Variants in STIM1 observed in about 807,000 individuals in gnomAD.
The protein encoded by STIM1 is stromal interaction molecule 1.
A neutral mutation model predicts 74.7 loss-of-function variants in STIM1; 25 were observed. The observed-to-expected ratio is 0.33, with a 90% confidence interval of 0.24 to 0.47. The LOEUF is 0.47. STIM1 is among the 20% of genes least tolerant of loss of function. The pLI, the probability that STIM1 is intolerant of heterozygous loss-of-function variation, is 1.00. For missense variants in STIM1, 728 were observed against 920.8 expected, an observed-to-expected ratio of 0.79 and a Z score of 2.71; for synonymous variants, 328 against 348.8, an observed-to-expected ratio of 0.94 and a Z score of 0.66.
intron 3 of STIM1, among the ~76,000 whole-genome samples, chr11:4,048,316 A>G (rs190764398): frequency 9.8e-5 from 15 of 152,352 alleles, no homozygotes; most frequent in Admixed American, 2.0e-4. Flanking sequence ...AATTATTTTT[A>G]TTATAATGTT....
At chr11:4,071,413 T>C (rs2094402742) in intron 6 of STIM1, among the ~76,000 whole-genome samples, 1 of 152,012 alleles carries the variant, frequency 6.6e-6, no homozygotes, top group South Asian at 2.1e-4. Context: ...TTCAATAGCA[T>C]GAACATGGCT....
intron 12 of STIM1, 90 bp downstream of exon 12, chr11:4,086,633 C>G (rs2094495076): frequency 6.3e-7 from 1 of 1,576,476 alleles, no homozygotes; most frequent in Non-Finnish European, 8.6e-7. Flanking sequence ...TCTTTCAGTT[C>G]TGAAGGCTAC....
At chr11:4,006,717 G>T (rs183806781) in intron 2 of STIM1, among the ~76,000 whole-genome samples, 1 of 152,110 alleles carries the variant, frequency 6.6e-6, no homozygotes, top group African/African-American at 2.4e-5. Flanking sequence ...CCCAGCCACA[G>T]GTATTTCTTT....
At chr11:3,863,122 G>A (rs920282694) in intron 1 of STIM1, among the ~76,000 whole-genome samples, 13 of 152,002 alleles carry the variant, frequency 8.6e-5, no homozygotes, top group Non-Finnish European at 1.2e-4. Context: ...CTGAACTCCT[G>A]ACCTCAGATA....
At chr11:4,046,089 C>CGA (rs1403836785) in intron 3 of STIM1, among the ~76,000 whole-genome samples, 1 of 55,642 alleles carries the variant, frequency 1.8e-5, no homozygotes, top group African/African-American at 5.8e-5. Context: ...TTTTTTGAGA[C>CGA]AGCCTCAGTC....
rs200351944 is a variant in STIM1 at position 4,055,540 on chromosome 11, G to A, written c.400G>A (p.Val134Met). 24 of 1,598,290 alleles carry A rather than the reference G, an allele frequency of 1.5e-5. No homozygotes were observed. The highest frequency in any genetic ancestry group is 5.2e-5 in the Admixed American group (3 of 58,080). ...TCTTTTCACAGTATACAATTGGACC[G>A]TGGATGAGGTGGTACAGTGGCTGAT... ...WKSSEVYNWTVDEVVQWLITY... is the reference protein window; with the variant it reads ...WKSSEVYNWTMDEVVQWLITY... Residue 134 changes from valine (V) to methionine (M), a missense_variant, in exon 4 of 13, where the codon GTG becomes ATG. This residue lies in a region of STIM1 where 132 missense variants were observed against 158.2 expected (regional missense o/e 0.83). Transcript: ENST00000526596.
At position 3,902,849 on chromosome 11, in the gene STIM1, ATTGGTG is replaced by A. The variant is rs1443555602; in HGVS notation, c.139+46444_139+46449del. On this transcript the variant is annotated intron_variant, in intron 1 of 12. Coordinates refer to ENST00000526596, the MANE Select transcript of STIM1 (RefSeq NM_001382567.1). ...AGAAGGAGGAGCTGGGCAGATTGCA[ATTGGTG>A]TTGTGGATAGAGGCAAAGGATCATA... 4.6e-5 allele frequency among the ~76,000 whole-genome samples: 7 copies of A among 152,268 alleles called. No homozygotes were observed. The East Asian group carries it at 1.2e-3, about 25-fold the overall frequency.
Position 4,026,821 on chromosome 11 carries a change from C to T in STIM1, c.385+2834C>T, listed in dbSNP as rs1433258055. Among the ~76,000 whole-genome samples, 4 of 152,172 alleles carry T rather than the reference C, an allele frequency of 2.6e-5. 1 individual carries two copies. Among genetic ancestry groups the T allele is most frequent in the Non-Finnish European group, 5.9e-5 (4 of 68,038 alleles). On this transcript the variant is annotated intron_variant, in intron 3 of 12. Transcript: ENST00000526596. ...TGGAATCAGGACACATCTCCATTTCCAGCACATCAGAGTGTTTGCCAGCCA... is the reference window on the plus strand; with the variant it reads ...TGGAATCAGGACACATCTCCATTTCTAGCACATCAGAGTGTTTGCCAGCCA...
chr11:3,877,574 C>T (rs552196810), intron 1 of STIM1, among the ~76,000 whole-genome samples: 8 of 152,234 alleles, frequency 5.3e-5, no homozygotes, highest in East Asian at 3.9e-4. Flanking sequence ...ACTTCTGTTC[C>T]GGATCAGTTG....
chr11:3,980,535 T>C (rs1468273370), intron 2 of STIM1, among the ~76,000 whole-genome samples: 1 of 150,858 alleles, frequency 6.6e-6, no homozygotes, highest in Non-Finnish European at 1.5e-5. Context: ...CTCAGCTACT[T>C]GGTTGAGACA....
At chr11:3,900,569 C>T (rs928225514) in intron 1 of STIM1, among the ~76,000 whole-genome samples, 1 of 152,216 alleles carries the variant, frequency 6.6e-6, no homozygotes, top group Non-Finnish European at 1.5e-5. Flanking sequence ...CCTATTCGGC[C>T]ATCTTGGCTC....
chr11:4,086,616 T>G (rs1288804623), intron 12 of STIM1, 73 bp downstream of exon 12: 2 of 1,597,156 alleles, frequency 1.3e-6, no homozygotes, highest in Non-Finnish European at 1.7e-6. Flanking sequence ...GCCTTTCATC[T>G]GGACAGTCTT....
chr11:4,092,196 C>A lies in STIM1; in HGVS notation c.*398C>A, dbSNP rs146351012. 3.7e-5 allele frequency: 12 copies of A among 323,104 alleles called. No homozygotes were observed. Among genetic ancestry groups the A allele is most frequent in the African/African-American group, 2.3e-4 (11 of 47,084 alleles). The allele number at this position is 323,104 out of a possible 1,614,324, so 20.0% of individuals were successfully genotyped here. On this transcript the variant is annotated 3_prime_UTR_variant, in exon 13 of 13. Coordinates refer to ENST00000526596, the MANE Select transcript of STIM1 (RefSeq NM_001382567.1). ...CTCCCTCCCACCACTCCCCAACTTC[C>A]CCTAGCAGTTGCAGGGAAGATAGGA...
chr11:3,937,581 G>A (rs1362754340), intron 1 of STIM1, among the ~76,000 whole-genome samples: 1 of 152,124 alleles, frequency 6.6e-6, no homozygotes, highest in Non-Finnish European at 1.5e-5. Flanking sequence ...ATTTACTGTA[G>A]CCACAAGAAC....
rs534620871 is a variant in STIM1 at position 3,948,807 on chromosome 11, C to G, written c.140-18745C>G. On this transcript the variant is annotated intron_variant, in intron 1 of 12. Coordinates refer to ENST00000526596, the MANE Select transcript of STIM1 (RefSeq NM_001382567.1). ...CTACCATTAATTTAGATTGTACCTT[C>G]CTGCCCCAACCTTAGATCCCTTAAT... Among the ~76,000 whole-genome samples the G allele has an allele frequency of 9.2e-5, 14 of 152,334 alleles. No individual in the cohort carries two copies. The South Asian group carries it at 2.9e-3, about 32-fold the overall frequency.
At chr11:3,973,444 G>A (rs2093415271) in intron 2 of STIM1, 3 of 327,700 alleles carry the variant, frequency 9.2e-6, no homozygotes, top group African/African-American at 6.6e-5. Context: ...CTGTTGCCCA[G>A]GCTGGAGTGC....
chr11:3,952,805 A>G (rs1565126213), intron 1 of STIM1, among the ~76,000 whole-genome samples: 1 of 152,224 alleles, frequency 6.6e-6, no homozygotes, highest in Non-Finnish European at 1.5e-5. Context: ...GACACTTTCA[A>G]TTCAGTCAGG....
chr11:4,075,667 T>C (rs1180219074), intron 7 of STIM1, among the ~76,000 whole-genome samples: 2 of 152,256 alleles, frequency 1.3e-5, no homozygotes, highest in Admixed American at 1.3e-4. Context: ...TGTTGACTTT[T>C]ATGAATAATA....
chr11:3,943,178 A>G (rs1034128794), intron 1 of STIM1, among the ~76,000 whole-genome samples: 4 of 152,176 alleles, frequency 2.6e-5, no homozygotes, highest in African/African-American at 9.7e-5. Flanking sequence ...CTCTGAGGGC[A>G]TCTTCTTTGG....
Sources: gnomAD v4.1 joint callset for allele counts (sites outside exome capture counted in the v4.1 genomes callset) on GRCh38, gnomAD v4.1.1 for gene constraint, gnomAD v4.1.1 regional missense constraint, MANE v1.5 for transcripts, NCBI Gene and HGNC (gene_info 2026-07-23, HGNC 2026-07-21) for gene names.